Variants in CDK12 observed in about 807,000 individuals in gnomAD.
CDK12 encodes the protein cyclin-dependent kinase 12.
Under a neutral mutation model 133.8 loss-of-function variants are expected in CDK12, and 17 were observed. The observed-to-expected ratio is 0.13, with a 90% CI of 0.09 to 0.19. The LOEUF is 0.19. CDK12 is among the 10% of genes least tolerant of loss of function. The probability of loss-of-function intolerance (pLI) is 1.00; values close to 1 mark genes in which losing one functional copy is unlikely to be tolerated. For synonymous variants in CDK12, 694 were observed against 683.6 expected, an observed-to-expected ratio of 1.02 and a Z score of -0.24; for missense variants, 1,508 against 1,818.7, an observed-to-expected ratio of 0.83 and a Z score of 3.11.
At chr17:39,493,114 T>A (rs2051769975) in intron 4 of CDK12, among the ~76,000 whole-genome samples, 2 of 150,888 alleles carry the variant, frequency 1.3e-5, no homozygotes, top group African/African-American at 4.9e-5. Flanking sequence ...TGCCTCAGCC[T>A]CCCGAGTAAC....
At chr17:39,528,185 G>T (rs2054607684) in intron 13 of CDK12, among the ~76,000 whole-genome samples, 2 of 151,944 alleles carry the variant, frequency 1.3e-5, no homozygotes, top group African/African-American at 2.4e-5. Flanking sequence ...CTCCCAAAGT[G>T]CTGGGATTAC....
At chr17:39,523,600 G>A (rs1162370721) in intron 11 of CDK12, among the ~76,000 whole-genome samples, 1 of 152,196 alleles carries the variant, frequency 6.6e-6, no homozygotes, top group Non-Finnish European at 1.5e-5. Context: ...TGGATAGGAT[G>A]TTAGTTCATG....
chr17:39,500,414 C>A (rs566902898), intron 5 of CDK12, among the ~76,000 whole-genome samples: 1 of 152,138 alleles, frequency 6.6e-6, no homozygotes, highest in African/African-American at 2.4e-5. Context: ...AGGCGGATCA[C>A]CTGAGGTCAG....
chr17:39,482,906 T>C (rs1012243277), intron 2 of CDK12, among the ~76,000 whole-genome samples: 2 of 99,206 alleles, frequency 2.0e-5, no homozygotes, highest in African/African-American at 5.6e-5. Context: ...CTGCCTCAAC[T>C]AAATTTTTTT....
chr17:39,491,114 G>A (rs1233779475), intron 3 of CDK12, among the ~76,000 whole-genome samples: 1 of 152,140 alleles, frequency 6.6e-6, no homozygotes, highest in Non-Finnish European at 1.5e-5. Flanking sequence ...CTTCCTGAAA[G>A]CATATAAATT....
chr17:39,508,228 T>C (rs1022967828), intron 6 of CDK12, among the ~76,000 whole-genome samples: 1 of 152,186 alleles, frequency 6.6e-6, no homozygotes, highest in Non-Finnish European at 1.5e-5. Context: ...TGAAAAATTT[T>C]GGATTTCACA....
rs1276766619 is a variant in CDK12, at chr17:39,461,865, C to T, written c.-207C>T. ...CTCCACTGCCGAGGAACTCTCATTT[C>T]TTCCCTCGCTCCTTCACCCCCCACC... On this transcript the variant is annotated 5_prime_UTR_variant, in exon 1 of 14. Coordinates refer to ENST00000447079, the MANE Select transcript of CDK12 (RefSeq NM_016507.4). The T allele has an allele frequency of 1.0e-5, 6 of 587,602 alleles. No homozygotes were observed. Among genetic ancestry groups the T allele is most frequent in the East Asian group, 2.8e-5 (1 of 35,774 alleles). The allele number at this position is 587,602 out of a possible 1,614,324, so 36.4% of individuals were successfully genotyped here. A position where few individuals can be genotyped will look rare whatever the true frequency, so the allele number is the denominator to read the frequency against.
At chr17:39,501,733 T>C (rs1379003084) in intron 6 of CDK12, among the ~76,000 whole-genome samples, 1 of 152,232 alleles carries the variant, frequency 6.6e-6, no homozygotes, top group Non-Finnish European at 1.5e-5. Context: ...AATCTGGTTA[T>C]GAACAGGTGT....
chr17:39,470,040 A>AC (rs2049671708), intron 1 of CDK12, among the ~76,000 whole-genome samples: 1 of 152,188 alleles, frequency 6.6e-6, no homozygotes, highest in Non-Finnish European at 1.5e-5. Context: ...TGTGGGAAAA[A>AC]AATAGTGACC....
intron 1 of CDK12, among the ~76,000 whole-genome samples, chr17:39,470,027 C>T (rs2049669928): frequency 6.6e-6 from 1 of 151,692 alleles, no homozygotes; most frequent in South Asian, 2.1e-4. Context: ...GTTTCTTTTC[C>T]AATGTGGGAA....
intron 5 of CDK12, among the ~76,000 whole-genome samples, chr17:39,501,017 T>C (rs1394630239): frequency 1.3e-5 from 2 of 152,178 alleles, no homozygotes; most frequent in Non-Finnish European, 2.9e-5. Context: ...GTTACAGGCA[T>C]CAGCCACTGC....
chr17:39,549,937 C>G (rs2055881212), upstream of CDK12: 1 of 152,032 alleles, frequency 6.6e-6, no homozygotes, highest in South Asian at 2.1e-4. Context: ...GATCAAATAA[C>G]CCCCCCATCA....
intron 1 of CDK12, among the ~76,000 whole-genome samples, chr17:39,541,570 T>A (rs2055418516): frequency 6.7e-6 from 1 of 149,178 alleles, no homozygotes; most frequent in Non-Finnish European, 1.5e-5. Flanking sequence ...TTTCACCATG[T>A]TAGCCAGGAT....
upstream of CDK12, chr17:39,548,981 C>T (rs34707882): frequency 6.6e-6 from 1 of 152,272 alleles, no homozygotes; most frequent in Non-Finnish European, 1.5e-5. Flanking sequence ...GGCGCTCCCC[C>T]CAGCACCCCG....
At chr17:39,481,659 T>TCC (rs2050691224) in intron 2 of CDK12, among the ~76,000 whole-genome samples, 15 of 16,740 alleles carry the variant, frequency 9.0e-4, no homozygotes, top group African/African-American at 2.0e-3. Flanking sequence ...TCTCTCTCTC[T>TCC]CTCTCTCTCT....
At chr17:39,538,116 T>C (rs2055225477), downstream of CDK12, among the ~76,000 whole-genome samples, 1 of 152,238 alleles carries the variant, frequency 6.6e-6, no homozygotes, top group Non-Finnish European at 1.5e-5. Flanking sequence ...GATGGGCAAA[T>C]ATGTTAAGCA....
intron 5 of CDK12, among the ~76,000 whole-genome samples, chr17:39,499,268 C>T (rs575263992): frequency 1.2e-4 from 17 of 142,940 alleles, no homozygotes; most frequent in South Asian, 2.2e-4. Flanking sequence ...AGTGCAGTGC[C>T]GCTGTCTTGG....
At chr17:39,515,660 A>C (rs1245703773) in intron 8 of CDK12, 71 bp from the exon 9 acceptor site, 6 of 985,146 alleles carry the variant, frequency 6.1e-6, no homozygotes, top group Non-Finnish European at 9.4e-6. Context: ...CAATAATGTA[A>C]AAATTTTTTG....
At chr17:39,481,083 G>C (rs1366282518) in intron 2 of CDK12, among the ~76,000 whole-genome samples, 1 of 151,680 alleles carries the variant, frequency 6.6e-6, no homozygotes, top group South Asian at 2.1e-4. Context: ...GAGAAACCCC[G>C]TCTCTACTAA....
Sources: allele counts gnomAD v4.1 joint callset (sites outside exome capture counted in the v4.1 genomes callset), GRCh38; gene constraint gnomAD v4.1.1; transcripts MANE v1.5; gene names NCBI Gene and HGNC (gene_info 2026-07-23, HGNC 2026-07-21).